RPAP3: variants seen among roughly 807,000 people sequenced by gnomAD.
The protein encoded by RPAP3 is RNA polymerase II associated protein 3, also known as RNA polymerase II-associated protein 3.
RPAP3 carries 58 observed loss-of-function variants against 88.8 expected under a neutral mutation model. The observed-to-expected ratio is 0.65, with a 90% CI of 0.53 to 0.81. RPAP3 has a LOEUF of 0.81. RPAP3 is among the 40% of genes least tolerant of loss of function. The pLI is 0.00. For synonymous variants in RPAP3, 255 were observed against 259.9 expected, an observed-to-expected ratio of 0.98 and a Z score of 0.18; for missense variants, 751 against 764.3, an observed-to-expected ratio of 0.98 and a Z score of 0.20.
intron 6 of RPAP3, among the ~76,000 whole-genome samples, chr12:47,689,966 C>T (rs1203036729): frequency 1.3e-5 from 2 of 150,154 alleles, no homozygotes; most frequent in Admixed American, 6.7e-5. Flanking sequence ...CATTTGAACC[C>T]GGGAGGCGGA....
rs1938797275 is a variant in RPAP3 at position 47,663,368 on chromosome 12, C to T, written c.*137G>A. On this transcript the variant is annotated 3_prime_UTR_variant, in exon 17 of 17. Transcript: ENST00000005386. ...TTCTCACTAGTTAAATCACAATTCA[C>T]CTTATAGTTAATTAACTTATGTTCA... 1.2e-5 allele frequency: 7 copies of T among 587,472 alleles called. No homozygotes were observed. In the South Asian group the frequency reaches 1.5e-4, roughly 13 times the overall value. The allele number at this position is 587,472 out of a possible 1,614,324, so 36.4% of individuals were successfully genotyped here.
chr12:47,705,171 C>CA (rs1179802723), intron 1 of RPAP3, among the ~76,000 whole-genome samples: 1 of 151,986 alleles, frequency 6.6e-6, no homozygotes, highest in African/African-American at 2.4e-5. Flanking sequence ...GGAGAAGAGT[C>CA]AAAGCTTTAG....
intron 12 of RPAP3, 102 bp from the exon 13 acceptor site, chr12:47,670,447 G>A (rs959578482): frequency 1.5e-6 from 1 of 656,682 alleles, no homozygotes; most frequent in African/African-American, 1.8e-5. Flanking sequence ...TAATATCCCA[G>A]TGATTAGTAA....
At chr12:47,673,444 C>CAAAA (rs35080899) in intron 12 of RPAP3, among the ~76,000 whole-genome samples, 5 of 60,766 alleles carry the variant, frequency 8.2e-5, no homozygotes, top group African/African-American at 1.8e-4. Flanking sequence ...AACTCCGTCT[C>CAAAA]AAAAAAAAAA....
rs1304939399 is a variant in RPAP3, at chr12:47,676,611, A to G, written c.1287+2882T>C. Among the ~76,000 whole-genome samples, 7 of 152,358 alleles carry G rather than the reference A, an allele frequency of 4.6e-5. No homozygotes were observed. In the South Asian group the frequency reaches 1.4e-3, roughly 32 times the overall value. Reference sequence around the variant, plus strand: ...ATACAAACTACCGTCAGAGAATACTACAAACACCTCTACGCAAATAAACTA... The same window carrying G: ...ATACAAACTACCGTCAGAGAATACTGCAAACACCTCTACGCAAATAAACTA... On this transcript the variant is annotated intron_variant, in intron 12 of 16. Transcript: ENST00000005386.
rs755792667 is a variant in RPAP3, at chr12:47,687,952, A to C, written c.788T>G (p.Ile263Ser). ...CTTTCGCTCTCCTTCTGTTGACTTA[A>C]TCACTATGTCAGCTTCCTTTGGATA... is the stretch of plus-strand genomic sequence containing the variant. ...NSYPKEADIV[I>S]KSTEGERKQI... is the part of the protein sequence containing the mutation. The change falls in exon 8 of 17, where the codon ATT becomes AGT. Residue 263 changes from isoleucine (I) to serine (S), a missense_variant. Physicochemically the swap from Ile to Ser is moderately radical, Grantham distance 142. Coordinates refer to ENST00000005386, the MANE Select transcript of RPAP3 (RefSeq NM_024604.3). The C allele has an allele frequency of 6.2e-7, 1 of 1,613,376 alleles. No homozygotes were observed. The highest frequency in any genetic ancestry group is 1.7e-5 in the Admixed American group (1 of 59,960).
intron 1 of RPAP3, among the ~76,000 whole-genome samples, chr12:47,705,716 T>C (rs1325988417): frequency 6.6e-6 from 1 of 151,974 alleles, no homozygotes; most frequent in East Asian, 1.9e-4. Flanking sequence ...GGGTGGAGGG[T>C]CCGCCTGCAA....
intron 1 of RPAP3, among the ~76,000 whole-genome samples, chr12:47,704,425 G>C (rs1939729991): frequency 6.6e-6 from 1 of 152,112 alleles, no homozygotes; most frequent in South Asian, 2.1e-4. Context: ...CTGGAGTGCA[G>C]TGGCGCAAAC....
At chr12:47,672,286 C>T (rs1156372448) in intron 12 of RPAP3, among the ~76,000 whole-genome samples, 1 of 152,128 alleles carries the variant, frequency 6.6e-6, no homozygotes, top group South Asian at 2.1e-4. Flanking sequence ...CCTGCCCTAG[C>T]CTTTCATTTC....
chr12:47,662,413 G>A lies in RPAP3; in HGVS notation c.*1092C>T, dbSNP rs760126438. On this transcript the variant is annotated 3_prime_UTR_variant, in exon 17 of 17. Coordinates refer to ENST00000005386, the MANE Select transcript of RPAP3 (RefSeq NM_024604.3). ...GAAATTATCTTTGTAAATAAATTAT[G>A]ATTACTTCTCAAACAATTCATAAGA... is the stretch of plus-strand genomic sequence containing the variant. 1 of 152,084 alleles carries A rather than the reference G, an allele frequency of 6.6e-6. No homozygotes were observed. Among genetic ancestry groups the A allele is most frequent in the Non-Finnish European group, 1.5e-5 (1 of 68,032 alleles). 9.4% of individuals were successfully genotyped at this position (152,084 alleles called of 1,614,324 possible).
intron 4 of RPAP3, 85 bp from the exon 5 acceptor site, chr12:47,696,488 G>A: frequency 2.4e-6 from 2 of 838,722 alleles, no homozygotes; most frequent in South Asian, 2.4e-5. Context: ...GGTTTGAAGT[G>A]CATGGGTCCA....
rs1938764763 is a variant in RPAP3, at chr12:47,661,783, A to G, written c.*1722T>C. 6.6e-6 allele frequency: 1 copy of G among 152,202 alleles called. No individual in the cohort carries two copies. Among genetic ancestry groups the G allele is most frequent in the South Asian group, 2.1e-4 (1 of 4,826 alleles). 9.4% of individuals were successfully genotyped at this position (152,202 alleles called of 1,614,324 possible). ...ACTGTTTTGGCCAATTTTTAGCTCT[A>G]TAATCATGCAGAGAACATTAACCCT... On this transcript the variant is annotated 3_prime_UTR_variant, in exon 17 of 17. Transcript: ENST00000005386.
At chr12:47,693,176 T>C (rs1246600522) in intron 5 of RPAP3, among the ~76,000 whole-genome samples, 1 of 152,112 alleles carries the variant, frequency 6.6e-6, no homozygotes, top group Non-Finnish European at 1.5e-5. Flanking sequence ...CCACCATGCC[T>C]GGCCTCACTG....
Position 47,705,988 on chromosome 12 carries a change from CAGCCCCGCAGCGACTCACGCCG to C in RPAP3, c.-65_-44del, listed in dbSNP as rs1188558648. On this transcript the variant is annotated 5_prime_UTR_variant, in exon 1 of 17. Coordinates refer to ENST00000005386, the MANE Select transcript of RPAP3 (RefSeq NM_024604.3). The stretch of plus-strand genomic sequence containing the variant: ...GTAACCCGCCGCACTGCCACCCCGT[CAGCCCCGCAGCGACTCACGCCG>C]AGCCCGGCAGTGACTCACGCAAAGC... The C allele has an allele frequency of 6.5e-6, 1 of 152,912 alleles. No homozygotes were observed. The highest frequency in any genetic ancestry group is 1.9e-4 in the East Asian group (1 of 5,224). 9.5% of individuals were successfully genotyped at this position (152,912 alleles called of 1,614,324 possible).
In RPAP3 at chr12:47,681,817, T is replaced by G. The variant is rs751745819; in HGVS notation, c.993A>C (p.Lys331Asn). 2 of 1,586,832 alleles carry G rather than the reference T, an allele frequency of 1.3e-6. No homozygotes were observed. The highest frequency in any genetic ancestry group is 1.7e-6 in the Non-Finnish European group (2 of 1,171,330). Residue 331 changes from lysine to asparagine, a missense_variant and splice_region_variant, in exon 10 of 17, where the codon AAA (lysine) becomes AAC (asparagine). Physicochemically the swap from Lys to Asn is moderately conservative, Grantham distance 94. Coordinates refer to ENST00000005386, the MANE Select transcript of RPAP3 (RefSeq NM_024604.3). ...TGCAGTCTTTTTCAGCTTCTTCATATCTATTGAACATGATAAAATTACTGA... is the reference window on the plus strand; with the variant it reads ...TGCAGTCTTTTTCAGCTTCTTCATAGCTATTGAACATGATAAAATTACTGA... Reference protein sequence around the residue: ...NRAMAYLKIQKYEEAEKDCTQ... With the variant: ...NRAMAYLKIQNYEEAEKDCTQ...
rs949552432 is a variant in RPAP3, at chr12:47,693,384, A to G, written c.546-2745T>C. Among the ~76,000 whole-genome samples, 7 of 152,324 alleles carry G rather than the reference A, an allele frequency of 4.6e-5. No homozygotes were observed. In the East Asian group the frequency reaches 1.4e-3, roughly 29 times the overall value. On this transcript the variant is annotated intron_variant, in intron 5 of 16. Transcript: ENST00000005386. ...CAAAGATCCCTGATCAGAGATCACC[A>G]TAACAGATACAATTATAATAAATCT...
chr12:47,679,054 G>A (rs1939170912), intron 12 of RPAP3, among the ~76,000 whole-genome samples: 1 of 152,200 alleles, frequency 6.6e-6, no homozygotes, highest in Non-Finnish European at 1.5e-5. Context: ...ATACACCACG[G>A]AATACTATGC....
chr12:47,685,029 CTA>C (rs1166412944), intron 9 of RPAP3, among the ~76,000 whole-genome samples: 1 of 152,172 alleles, frequency 6.6e-6, no homozygotes, highest in Non-Finnish European at 1.5e-5. Flanking sequence ...TAAAATTTAG[CTA>C]TCTTTCAAAT....
At chr12:47,704,494 G>A (rs994628045) in intron 1 of RPAP3, among the ~76,000 whole-genome samples, 1 of 151,318 alleles carries the variant, frequency 6.6e-6, no homozygotes, top group African/African-American at 2.4e-5. Flanking sequence ...TCAGCCTCCC[G>A]AGCAGCTGGG....
Sources: gnomAD v4.1 joint callset for allele counts (sites outside exome capture counted in the v4.1 genomes callset) on GRCh38, gnomAD v4.1.1 for gene constraint, MANE v1.5 for transcripts, NCBI Gene and HGNC (gene_info 2026-07-23, HGNC 2026-07-21) for gene names.